The following CALD1 variants were observed in gnomAD, a reference collection of about 807,000 sequenced individuals.
CALD1 encodes caldesmon.
In CALD1, 33 loss-of-function variants were observed where a neutral mutation model predicts 99.9. The observed-to-expected ratio is 0.33, with a 90% CI of 0.25 to 0.44. The LOEUF is 0.44. CALD1 is among the 20% of genes least tolerant of loss of function. CALD1 has a pLI of 1.00. For synonymous variants in CALD1, 310 were observed against 325.0 expected, an observed-to-expected ratio of 0.95 and a Z score of 0.50; for missense variants, 861 against 962.1, an observed-to-expected ratio of 0.89 and a Z score of 1.39.
At chr7:134,907,121 T>G (rs1236600127) in intron 3 of CALD1, among the ~76,000 whole-genome samples, 1 of 152,116 alleles carries the variant, frequency 6.6e-6, no homozygotes, top group Non-Finnish European at 1.5e-5. Context: ...TGTCTTTGCT[T>G]GGATGGACCT....
intron 13 of CALD1, chr7:134,962,366 T>TA (rs35952925): frequency 0.073 from 6,689 of 91,934 alleles, 267 homozygotes; most frequent in East Asian, 0.14. Context: ...GACAGCCTCC[T>TA]AAAAAAAAAA....
intron 2 of CALD1, among the ~76,000 whole-genome samples, chr7:134,857,294 C>G (rs1206531680): frequency 6.6e-6 from 1 of 151,228 alleles, no homozygotes; most frequent in African/African-American, 2.4e-5. Context: ...TCAGCCTCTC[C>G]GAGTAGCTGG....
chr7:134,714,546 C>G, the CALD1 span, among the ~76,000 whole-genome samples: 1 of 152,100 alleles, frequency 6.6e-6, no homozygotes, highest in Non-Finnish European at 1.5e-5. Flanking sequence ...TGGCTTTGCT[C>G]AGGAAAGAAT....
intron 2 of CALD1, among the ~76,000 whole-genome samples, chr7:134,860,673 C>T (rs2132277282): frequency 6.6e-6 from 1 of 152,208 alleles, no homozygotes; most frequent in Middle Eastern, 3.4e-3. Flanking sequence ...AGAACAAAAG[C>T]ATATGGAAAG....
chr7:134,796,827 T>A (rs969311529), intron 1 of CALD1, among the ~76,000 whole-genome samples: 1 of 152,142 alleles, frequency 6.6e-6, no homozygotes, highest in Non-Finnish European at 1.5e-5. Context: ...CCCCAAGTGA[T>A]CCTCTGCCTC....
At chr7:134,955,924 G>T (rs977566718) in intron 9 of CALD1, among the ~76,000 whole-genome samples, 1 of 152,074 alleles carries the variant, frequency 6.6e-6, no homozygotes, top group Non-Finnish European at 1.5e-5. Context: ...ATGGATGGAC[G>T]GACGGACGGA....
At chr7:134,782,902 C>A (rs897137999) in intron 1 of CALD1, among the ~76,000 whole-genome samples, 7 of 152,134 alleles carry the variant, frequency 4.6e-5, no homozygotes, top group African/African-American at 1.7e-4. Context: ...TGGTCTATCC[C>A]AATGTTGTCT....
intron 3 of CALD1, among the ~76,000 whole-genome samples, chr7:134,890,348 A>G (rs1802093197): frequency 6.6e-6 from 1 of 152,190 alleles, no homozygotes; most frequent in Non-Finnish European, 1.5e-5. Context: ...GCTCCATGAC[A>G]TTGGGTGAGT....
chr7:134,925,443 G>A lies in CALD1; in HGVS notation c.72-3311G>A, dbSNP rs73454262. Among the ~76,000 whole-genome samples the A allele has an allele frequency of 7.6e-3, 1,155 of 152,182 alleles. 16 individuals are homozygous for A. The highest frequency in any genetic ancestry group is 0.026 in the African/African-American group (1,096 of 41,530). ...GCTTTTAGGATAGGTGTATAAGTTC[G>A]TTCTTGCACTGCCGTAAAGAACTGC... is the stretch of plus-strand genomic sequence containing the variant. On this transcript the variant is annotated intron_variant, in intron 3 of 14. Transcript: ENST00000361675.
exon 1 of CALD1, chr7:134,744,361 C>A (rs1274195570): frequency 6.6e-6 from 1 of 151,862 alleles, no homozygotes; most frequent in African/African-American, 2.4e-5. Context: ...GCTTGAAATG[C>A]AGGTTGGTTA....
chr7:134,788,892 G>A (rs1047961618), intron 1 of CALD1, among the ~76,000 whole-genome samples: 3 of 152,080 alleles, frequency 2.0e-5, no homozygotes, highest in Non-Finnish European at 4.4e-5. Context: ...GTGTGCATCT[G>A]TAGTCCCAGC....
At chr7:134,963,489 G>C (rs1489909717) in intron 13 of CALD1, among the ~76,000 whole-genome samples, 2 of 152,174 alleles carry the variant, frequency 1.3e-5, no homozygotes, top group Non-Finnish European at 2.9e-5. Context: ...ACGGGTAAAT[G>C]CAATTGCTGT....
chr7:134,884,109 GA>G (rs71172481), intron 3 of CALD1, among the ~76,000 whole-genome samples: 10 of 146,604 alleles, frequency 6.8e-5, no homozygotes, highest in Admixed American at 2.0e-4. Flanking sequence ...TCTCAAAAAA[GA>G]AAAAAAAAAA....
intron 3 of CALD1, among the ~76,000 whole-genome samples, chr7:134,883,382 TTTG>T (rs2132441907): frequency 6.6e-6 from 1 of 152,280 alleles, no homozygotes; most frequent in South Asian, 2.1e-4. Flanking sequence ...TATTTTATCT[TTTG>T]TTGTTGTTGT....
intron 3 of CALD1, among the ~76,000 whole-genome samples, chr7:134,874,365 G>A (rs1801248306): frequency 6.6e-6 from 1 of 152,028 alleles, no homozygotes; most frequent in African/African-American, 2.4e-5. Flanking sequence ...ATTAATTAGA[G>A]AGGAGGTTTC....
Position 134,965,364 on chromosome 7 carries a change from A to T in CALD1, c.2354A>T (p.Asp785Val), listed in dbSNP as rs1423576589. 6.4e-7 allele frequency: 1 copy of T among 1,561,900 alleles called. No individual in the cohort carries two copies. The highest frequency in any genetic ancestry group is 8.8e-7 in the Non-Finnish European group (1 of 1,132,344). The change falls in exon 14 of 15, where the codon GAT (aspartate) becomes GTT (valine). Residue 785 changes from aspartate to valine, a missense_variant. Asp to Val is a radical substitution (Grantham distance 152, BLOSUM62 -3). This residue lies in a region of CALD1 where 190 missense variants were observed against 249.0 expected (regional missense o/e 0.76). Transcript: ENST00000361675. ...KRNLWEKQSVDKVTSPTKV is the reference protein window; with the variant it reads ...KRNLWEKQSVVKVTSPTKV The stretch of plus-strand genomic sequence containing the variant: ...AACCTCTGGGAAAAGCAATCTGTGG[A>T]TAAGGTCACTTCCCCCACTAAGGTA...
intron 1 of CALD1, among the ~76,000 whole-genome samples, chr7:134,803,417 G>T (rs1465039899): frequency 6.6e-6 from 1 of 151,434 alleles, no homozygotes; most frequent in Non-Finnish European, 1.5e-5. Flanking sequence ...AAATTTTATG[G>T]CTAGTTCTTT....
At chr7:134,720,691 G>A in the CALD1 span, among the ~76,000 whole-genome samples, 1 of 152,144 alleles carries the variant, frequency 6.6e-6, no homozygotes, top group Non-Finnish European at 1.5e-5. Flanking sequence ...ACTCATACAT[G>A]AGCAAGAGGA....
At chr7:134,877,222 C>G (rs1586178142) in intron 3 of CALD1, among the ~76,000 whole-genome samples, 1 of 152,288 alleles carries the variant, frequency 6.6e-6, no homozygotes, top group East Asian at 1.9e-4. Flanking sequence ...AGCCTTTTGG[C>G]AGCTACCATC....
Sources: gnomAD v4.1 joint callset for allele counts (sites outside exome capture counted in the v4.1 genomes callset) on GRCh38, gnomAD v4.1.1 for gene constraint, gnomAD v4.1.1 regional missense constraint, MANE v1.5 for transcripts, NCBI Gene and HGNC (gene_info 2026-07-23, HGNC 2026-07-21) for gene names.